Variants in COQ5 observed in about 807,000 individuals in gnomAD.
COQ5 encodes 2-methoxy-6-polyprenyl-1,4-benzoquinol methylase, mitochondrial.
Under a neutral mutation model 40.5 loss-of-function variants are expected in COQ5, and 27 were observed. The observed-to-expected ratio is 0.67, with a 90% CI of 0.49 to 0.92. The LOEUF (loss-of-function observed/expected upper bound fraction) is 0.92, where lower values mean the gene tolerates loss of function less well. Ranked by LOEUF, COQ5 falls within the 40% of genes least tolerant of loss-of-function variation. The probability of loss-of-function intolerance (pLI) is 0.00; values close to 1 mark genes in which losing one functional copy is unlikely to be tolerated. For synonymous variants in COQ5, 141 were observed against 150.0 expected (o/e 0.94, Z 0.44); for missense variants, 409 against 406.4 (o/e 1.01, Z -0.06).
intron 2 of COQ5, among the ~76,000 whole-genome samples, chr12:120,519,161 G>A (rs897988679): frequency 1.3e-5 from 2 of 152,112 alleles, no homozygotes; most frequent in African/African-American, 2.4e-5. Context: ...GTCCTTATTG[G>A]GAAGAAATAG....
intron 1 of COQ5, 107 bp from the exon 2 acceptor site, chr12:120,522,470 C>T: frequency 9.7e-7 from 1 of 1,026,024 alleles, no homozygotes; most frequent in Non-Finnish European, 1.5e-6. Flanking sequence ...CCTGGCTTTG[C>T]AAGGTGAAAC....
intron 2 of COQ5, among the ~76,000 whole-genome samples, chr12:120,520,292 C>T (rs1357287538): frequency 1.4e-5 from 2 of 145,136 alleles, no homozygotes; most frequent in African/African-American, 5.1e-5. Context: ...TACAGACGCC[C>T]GCCACCTTGC....
chr12:120,513,677 G>A (rs891982661), intron 3 of COQ5, among the ~76,000 whole-genome samples: 6 of 151,240 alleles, frequency 4.0e-5, no homozygotes, highest in South Asian at 2.1e-4. Flanking sequence ...GCACCACCAC[G>A]CCTGGCTAAT....
rs765380362 is a variant in COQ5 at position 120,503,730 on chromosome 12, G to A, written c.*54C>T. On this transcript the variant is annotated 3_prime_UTR_variant, in exon 7 of 7. Coordinates refer to ENST00000288532, the MANE Select transcript of COQ5 (RefSeq NM_032314.4). ...GTCTCATTTGCCAGATTATCCTTCA[G>A]TTCCAGGCTTTCAACAGGATATGAC... 2.2e-6 allele frequency: 3 copies of A among 1,349,156 alleles called. No individual in the cohort carries two copies. The highest frequency in any genetic ancestry group is 3.2e-6 in the Non-Finnish European group (3 of 940,850). The allele number at this position is 1,349,156 out of a possible 1,614,324, so 83.6% of individuals were successfully genotyped here.
intron 5 of COQ5, 165 bp downstream of exon 5, chr12:120,504,730 G>T: frequency 1.5e-6 from 1 of 687,400 alleles, no homozygotes; most frequent in East Asian, 2.8e-5. Flanking sequence ...ACTTGGGTCT[G>T]GTTTGAGACT....
chr12:120,505,205 A>G (rs1294717680), intron 4 of COQ5, among the ~76,000 whole-genome samples: 1 of 152,180 alleles, frequency 6.6e-6, no homozygotes, highest in Non-Finnish European at 1.5e-5. Flanking sequence ...TAGCTGGGGT[A>G]ATCTAAACTG....
intron 3 of COQ5, among the ~76,000 whole-genome samples, 163 bp from the exon 4 acceptor site, chr12:120,510,286 T>C (rs772156807): frequency 6.6e-6 from 1 of 152,118 alleles, no homozygotes; most frequent in Admixed American, 6.6e-5. Context: ...TATATACATA[T>C]TTTTCCTTTT....
In COQ5 at chr12:120,503,785, T is replaced by TA. The variant is rs1412604917; in HGVS notation, c.982dup (p.Ter328LeufsTer83). On this transcript the variant is annotated frameshift_variant and stop_lost, in exon 7 of 7. Transcript: ENST00000288532. LOFTEE classifies it high-confidence loss of function. Reference sequence around the variant, plus strand: ...TCATGCTCCATGATAGGAAAGGAATTAAAGTTTGAAGCCAGAATGAATGGC... The same window carrying TA: ...TCATGCTCCATGATAGGAAAGGAATTAAAAGTTTGAAGCCAGAATGAATGGC... The TA allele has an allele frequency of 1.2e-6, 2 of 1,611,696 alleles. No individual in the cohort carries two copies. The highest frequency in any genetic ancestry group is 2.7e-5 in the African/African-American group (2 of 74,994).
intron 3 of COQ5, 112 bp from the exon 4 acceptor site, chr12:120,510,235 A>T: frequency 1.3e-6 from 1 of 791,468 alleles, no homozygotes; most frequent in Non-Finnish European, 2.2e-6. Flanking sequence ...CTGGGTGGTT[A>T]GGCTGCCTGG....
Position 120,503,758 on chromosome 12 carries a change from G to T in COQ5, c.*26C>A. 1 of 1,547,584 alleles carries T rather than the reference G, an allele frequency of 6.5e-7. No homozygotes were observed. Among genetic ancestry groups the T allele is most frequent in the Non-Finnish European group, 8.9e-7 (1 of 1,119,500 alleles). ...CCAGGCTTTCAACAGGATATGACTG[G>T]TTCATGCTCCATGATAGGAAAGGAA... On this transcript the variant is annotated 3_prime_UTR_variant, in exon 7 of 7. Transcript: ENST00000288532.
chr12:120,516,805 T>C lies in COQ5; in HGVS notation c.353-17A>G. 6.3e-7 allele frequency: 1 copy of C among 1,598,964 alleles called. No individual in the cohort carries two copies. Among genetic ancestry groups the C allele is most frequent in the Non-Finnish European group, 8.6e-7 (1 of 1,166,294 alleles). On this transcript the variant is annotated splice_polypyrimidine_tract_variant and intron_variant, in intron 2 of 6. Coordinates refer to ENST00000288532, the MANE Select transcript of COQ5 (RefSeq NM_032314.4). ...CAATGTCACCTGTGGGAAGCCAACA[T>C]GAGGAAAGATGCAGACTAAAACAAA...
intron 3 of COQ5, among the ~76,000 whole-genome samples, chr12:120,513,750 C>A (rs182645204): frequency 3.3e-5 from 5 of 151,928 alleles, no homozygotes; most frequent in African/African-American, 1.2e-4. Context: ...AAACTTTTGA[C>A]CTCAGGTGAT....
chr12:120,509,827 T>C, intron 4 of COQ5, 190 bp downstream of exon 4: 1 of 612,684 alleles, frequency 1.6e-6, no homozygotes, highest in Admixed American at 2.3e-5. Context: ...GTAAGGTTCC[T>C]GTAATCCCAG....
intron 4 of COQ5, among the ~76,000 whole-genome samples, chr12:120,507,370 T>C (rs1479600247): frequency 2.0e-5 from 3 of 150,728 alleles, no homozygotes; most frequent in Non-Finnish European, 4.4e-5. Flanking sequence ...CCACAACCTC[T>C]GCCTCCCGGG....
intron 3 of COQ5, among the ~76,000 whole-genome samples, chr12:120,514,724 C>T (rs1259664677): frequency 6.6e-6 from 1 of 150,572 alleles, no homozygotes; most frequent in East Asian, 2.0e-4. Context: ...TCCTGGGCAA[C>T]AGGGCAAGAC....
intron 3 of COQ5, 35 bp downstream of exon 3, chr12:120,516,532 A>C (rs1258281321): frequency 6.7e-7 from 1 of 1,481,844 alleles, no homozygotes; most frequent in East Asian, 2.3e-5. Context: ...AAAGATACAA[A>C]TACTTCCCCT....
At chr12:120,519,523 G>A (rs933954517) in intron 2 of COQ5, among the ~76,000 whole-genome samples, 1 of 151,916 alleles carries the variant, frequency 6.6e-6, no homozygotes, top group African/African-American at 2.4e-5. Context: ...TCATGCCATT[G>A]CACTCCAGCC....
Position 120,529,132 on chromosome 12 carries a change from G to A in COQ5, c.10C>T (p.Pro4Ser), listed in dbSNP as rs563912555. 1.2e-5 allele frequency: 19 copies of A among 1,613,508 alleles called. No individual in the cohort carries two copies. The African/African-American group carries it at 2.5e-4, about 21-fold the overall frequency. The change falls in exon 1 of 7, where the codon CCC (proline) becomes TCC (serine). Residue 4 changes from proline to serine, a missense_variant. Pro to Ser is a moderately conservative substitution (Grantham distance 74). Coordinates refer to ENST00000288532, the MANE Select transcript of COQ5 (RefSeq NM_032314.4). Reference protein sequence around the residue: MAAPGSCALWSYCG... With the variant: MAASGSCALWSYCG... ...TAGCTCCATAGAGCACAGCTCCCGG[G>A]GGCCGCCATCTTGGTAGTCGAGTGA...
At position 120,503,954 on chromosome 12, in the gene COQ5, T is replaced by G; in HGVS notation, c.882+16A>C. 1.2e-6 allele frequency: 2 copies of G among 1,600,510 alleles called. No individual in the cohort carries two copies. The highest frequency in any genetic ancestry group is 1.7e-6 in the Non-Finnish European group (2 of 1,167,526). ...TCACTGTAGGGCCTTTGTTTAAAGCTATAGAAGTTTCATACCTGAGACGGA... is the reference window on the plus strand; with the variant it reads ...TCACTGTAGGGCCTTTGTTTAAAGCGATAGAAGTTTCATACCTGAGACGGA... On this transcript the variant is annotated intron_variant, in intron 6 of 6. Coordinates refer to ENST00000288532, the MANE Select transcript of COQ5 (RefSeq NM_032314.4).
Sources: allele counts gnomAD v4.1 joint callset (sites outside exome capture counted in the v4.1 genomes callset), GRCh38; gene constraint gnomAD v4.1.1; transcripts MANE v1.5; gene names NCBI Gene and HGNC (gene_info 2026-07-23, HGNC 2026-07-21).